PTPRD: variants seen among roughly 807,000 people sequenced by gnomAD.
PTPRD encodes protein tyrosine phosphatase receptor type D.
PTPRD carries 34 observed loss-of-function variants against 214.5 expected under a neutral mutation model. That is an observed-to-expected ratio of 0.16 (90% confidence interval 0.12 to 0.21). The LOEUF is 0.21. PTPRD is among the 10% of genes least tolerant of loss of function. PTPRD has a pLI of 1.00. For synonymous variants in PTPRD, 1,128 were observed against 845.7 expected (o/e 1.33, Z -5.79); for missense variants, 2,545 against 2,398.7 (o/e 1.06, Z -1.27).
chr9:9,655,977 C>T (rs2096502424), intron 7 of PTPRD, among the ~76,000 whole-genome samples: 2 of 151,740 alleles, frequency 1.3e-5, no homozygotes, highest in Admixed American at 1.3e-4. Flanking sequence ...GACTCCATCT[C>T]AAAAAAATAA....
chr9:10,133,910 A>G (rs1049627281), intron 3 of PTPRD, among the ~76,000 whole-genome samples: 1 of 152,158 alleles, frequency 6.6e-6, no homozygotes, highest in Non-Finnish European at 1.5e-5. Flanking sequence ...CTTTTTTCAT[A>G]TATCACAGTG....
intron 8 of PTPRD, among the ~76,000 whole-genome samples, chr9:9,435,689 G>A (rs1588356391): frequency 6.6e-6 from 1 of 151,894 alleles, no homozygotes; most frequent in African/African-American, 2.4e-5. Context: ...AATTATTGGA[G>A]ATAAAATATG....
intron 3 of PTPRD, among the ~76,000 whole-genome samples, chr9:10,249,672 G>C (rs1313676664): frequency 6.6e-6 from 1 of 151,922 alleles, no homozygotes. Context: ...TGTCTTATGA[G>C]AAGCACTAAT....
At chr9:10,190,880 G>A (rs2099361148) in intron 3 of PTPRD, among the ~76,000 whole-genome samples, 1 of 152,026 alleles carries the variant, frequency 6.6e-6, no homozygotes, top group Admixed American at 6.6e-5. Flanking sequence ...CCTGTGGCCA[G>A]CAGCCTCTCT....
rs1016873608 is a variant in PTPRD at position 8,465,568 on chromosome 9, G to A, written c.3612C>T (p.Thr1204=). The part of the protein sequence containing the change: ...AHFDVLPTEF[T]LGDDKHYGGF... ...CACCATAATGCTTGTCATCCCCCAG[G>A]GTGAACTCAGTGGGAAGGACATCAA... is the stretch of plus-strand genomic sequence containing the variant. The change falls in exon 32 of 46, where the codon ACC becomes ACT. Residue 1204 remains threonine, a synonymous_variant. Transcript: ENST00000381196. 2 of 1,612,438 alleles carry A rather than the reference G, an allele frequency of 1.2e-6. No homozygotes were observed. Among genetic ancestry groups the A allele is most frequent in the Non-Finnish European group, 1.7e-6 (2 of 1,179,012 alleles).
chr9:9,513,692 AACTGAAGT>A (rs1199976941), intron 8 of PTPRD, among the ~76,000 whole-genome samples: 4 of 152,014 alleles, frequency 2.6e-5, no homozygotes, highest in Non-Finnish European at 5.9e-5. Context: ...AGACATGAAG[AACTGAAGT>A]AAACAAACAG....
At chr9:8,802,974 G>T (rs983073830) in intron 11 of PTPRD, among the ~76,000 whole-genome samples, 1 of 152,092 alleles carries the variant, frequency 6.6e-6, no homozygotes, top group Non-Finnish European at 1.5e-5. Flanking sequence ...GATCACTTGA[G>T]CCCAGGAGTT....
chr9:8,504,425 G>A lies in PTPRD; in HGVS notation c.1678-20C>T, dbSNP rs779188361. ...TCGTTGCTGGAAGCAATAAGAGAAT[G>A]TGGTCATCTTCATTAAGGTTCATGC... On this transcript the variant is annotated intron_variant, in intron 22 of 45. Coordinates refer to ENST00000381196, the MANE Select transcript of PTPRD (RefSeq NM_002839.4). 1.2e-6 allele frequency: 2 copies of A among 1,613,834 alleles called. No homozygotes were observed. Among genetic ancestry groups the A allele is most frequent in the Admixed American group, 3.3e-5 (2 of 60,004 alleles).
At chr9:10,472,820 A>C (rs1307467493) in intron 2 of PTPRD, among the ~76,000 whole-genome samples, 3 of 152,086 alleles carry the variant, frequency 2.0e-5, no homozygotes, top group Admixed American at 6.6e-5. Flanking sequence ...CTTACTGAGA[A>C]AACAATCATT....
chr9:9,969,925 G>A (rs1000937212), intron 4 of PTPRD, among the ~76,000 whole-genome samples: 1 of 152,082 alleles, frequency 6.6e-6, no homozygotes. Flanking sequence ...AGCCTCCCCA[G>A]CTTGCTAACT....
intron 14 of PTPRD, among the ~76,000 whole-genome samples, chr9:8,586,540 TG>T (rs2093671119): frequency 6.6e-6 from 1 of 152,176 alleles, no homozygotes; most frequent in Admixed American, 6.5e-5. Flanking sequence ...CCTAACAGGC[TG>T]ACTTGGTTAA....
chr9:8,583,645 G>C (rs1293535114), intron 14 of PTPRD, among the ~76,000 whole-genome samples: 1 of 152,184 alleles, frequency 6.6e-6, no homozygotes, highest in African/African-American at 2.4e-5. Flanking sequence ...ACATGTAGGT[G>C]TAAAACCTTT....
At chr9:10,591,972 G>A (rs906036963) in intron 2 of PTPRD, among the ~76,000 whole-genome samples, 2 of 152,066 alleles carry the variant, frequency 1.3e-5, no homozygotes, top group African/African-American at 2.4e-5. Flanking sequence ...GAGATTCTGA[G>A]CTAGAATCAC....
intron 10 of PTPRD, among the ~76,000 whole-genome samples, chr9:9,042,182 G>A (rs745817679): frequency 6.6e-6 from 1 of 152,146 alleles, no homozygotes; most frequent in Admixed American, 6.6e-5. Flanking sequence ...GGTTGTCTCT[G>A]TGAGTCTGCA....
intron 2 of PTPRD, among the ~76,000 whole-genome samples, chr9:10,501,355 G>A (rs146412804): frequency 8.5e-4 from 130 of 152,070 alleles, no homozygotes; most frequent in Non-Finnish European, 1.2e-3. Flanking sequence ...ACAAAGGTCT[G>A]AATAAACATT....
chr9:9,924,909 C>T (rs955873587), intron 5 of PTPRD, among the ~76,000 whole-genome samples: 1 of 152,048 alleles, frequency 6.6e-6, no homozygotes, highest in African/African-American at 2.4e-5. Context: ...CTTTCAACTC[C>T]TAGCTAGAGT....
chr9:9,715,441 C>A (rs868560650), intron 7 of PTPRD, among the ~76,000 whole-genome samples: 43 of 151,696 alleles, frequency 2.8e-4, no homozygotes, highest in African/African-American at 1.0e-3. Flanking sequence ...TGATAGAAAG[C>A]CGTATTAGTG....
intron 20 of PTPRD, among the ~76,000 whole-genome samples, chr9:8,520,421 G>C (rs1209652770): frequency 6.6e-6 from 1 of 152,090 alleles, no homozygotes; most frequent in Non-Finnish European, 1.5e-5. Flanking sequence ...TAGAATGGCA[G>C]CTTTTCAAGA....
intron 3 of PTPRD, among the ~76,000 whole-genome samples, chr9:10,202,194 A>T (rs968593614): frequency 6.6e-6 from 1 of 152,048 alleles, no homozygotes; most frequent in Admixed American, 6.6e-5. Context: ...TGAGAACAAA[A>T]CCTTAGCCTC....
Sources: gnomAD v4.1 joint callset for allele counts (sites outside exome capture counted in the v4.1 genomes callset) on GRCh38, gnomAD v4.1.1 for gene constraint, MANE v1.5 for transcripts, NCBI Gene and HGNC (gene_info 2026-07-23, HGNC 2026-07-21) for gene names.